ITPKB: variants seen among roughly 807,000 people sequenced by gnomAD.
ITPKB encodes IP3 3-kinase B.
In ITPKB, 13 loss-of-function variants were observed where a neutral mutation model predicts 69.4. The ratio of observed to expected loss-of-function variants is 0.19; its 90% CI spans 0.12 to 0.30. The LOEUF is 0.30. Among genes scored for constraint, ITPKB ranks in the 10% least tolerant of loss-of-function variants. ITPKB has a pLI of 1.00. For synonymous variants in ITPKB, 584 were observed against 513.7 expected (o/e 1.14, Z -1.85); for missense variants, 1,240 against 1,250.5 (o/e 0.99, Z 0.13).
intron 2 of ITPKB, among the ~76,000 whole-genome samples, chr1:226,705,318 T>G (rs1052190040): frequency 6.7e-6 from 1 of 148,776 alleles, no homozygotes; most frequent in Non-Finnish European, 1.5e-5. Flanking sequence ...TCACCTGAGG[T>G]CGGGAGTTCG....
chr1:226,697,810 G>C (rs1328975291), intron 2 of ITPKB, among the ~76,000 whole-genome samples: 1 of 152,106 alleles, frequency 6.6e-6, no homozygotes, highest in Non-Finnish European at 1.5e-5. Context: ...AGCTGCCCTA[G>C]GAACACCACA....
At chr1:226,728,873 G>A (rs1163044373) in intron 2 of ITPKB, among the ~76,000 whole-genome samples, 1 of 152,210 alleles carries the variant, frequency 6.6e-6, no homozygotes, top group African/African-American at 2.4e-5. Context: ...TGTGGCAGCA[G>A]TCACAGGAAT....
At chr1:226,659,211 G>C (rs1379455732) in intron 2 of ITPKB, among the ~76,000 whole-genome samples, 1 of 152,084 alleles carries the variant, frequency 6.6e-6, no homozygotes, top group Non-Finnish European at 1.5e-5. Flanking sequence ...ACCCAGACTG[G>C]CACCCAGGGG....
intron 2 of ITPKB, among the ~76,000 whole-genome samples, chr1:226,731,016 T>G (rs994709239): frequency 6.6e-6 from 1 of 152,268 alleles, no homozygotes; most frequent in Non-Finnish European, 1.5e-5. Context: ...AGTCTAAGCA[T>G]TTGCATGATA....
intron 2 of ITPKB, among the ~76,000 whole-genome samples, chr1:226,703,439 A>G (rs1571865743): frequency 2.0e-5 from 3 of 152,308 alleles, no homozygotes; most frequent in East Asian, 1.9e-4. Flanking sequence ...AGGGCGGTGA[A>G]GCAGGGCCTG....
rs1387250477 is a variant in ITPKB, at chr1:226,633,792, C to G, written c.*879G>C. ...TGCAGGCAGGGTTGACCAACTAGCA[C>G]CAGGTAGGTGAGGGTCAAGAAAAAT... On this transcript the variant is annotated 3_prime_UTR_variant, in exon 8 of 8. Coordinates refer to ENST00000429204, the MANE Select transcript of ITPKB (RefSeq NM_002221.4). 2.0e-5 allele frequency: 3 copies of G among 152,242 alleles called. No homozygotes were observed. In the South Asian group the frequency reaches 6.2e-4, roughly 32 times the overall value. The allele number at this position is 152,242 out of a possible 1,614,324, so 9.4% of individuals were successfully genotyped here. A position where few individuals can be genotyped will look rare whatever the true frequency, so the allele number is the denominator to read the frequency against.
intron 2 of ITPKB, chr1:226,707,264 C>T (rs912182467): frequency 6.0e-5 from 14 of 232,886 alleles, no homozygotes; most frequent in South Asian, 4.7e-4. Context: ...GGTGCTATCT[C>T]GGCTCACCGC....
chr1:226,718,026 A>G (rs835668), intron 2 of ITPKB, among the ~76,000 whole-genome samples: 146,468 of 152,356 alleles, frequency 0.96, 70,434 homozygotes, highest in East Asian at 1. Context: ...CGGGCGTGGT[A>G]GCTCACGCCT....
At chr1:226,721,085 T>C (rs1369111687) in intron 2 of ITPKB, among the ~76,000 whole-genome samples, 1 of 151,570 alleles carries the variant, frequency 6.6e-6, no homozygotes, top group African/African-American at 2.4e-5. Flanking sequence ...GGTTCACGCC[T>C]ATAATCCCAG....
chr1:226,728,526 G>A (rs904319286), intron 2 of ITPKB, among the ~76,000 whole-genome samples: 5 of 152,322 alleles, frequency 3.3e-5, no homozygotes, highest in Admixed American at 2.0e-4. Context: ...GGTCTTCCCC[G>A]CACAAACACT....
chr1:226,708,429 A>T (rs1244362807), intron 2 of ITPKB, among the ~76,000 whole-genome samples: 1 of 152,244 alleles, frequency 6.6e-6, no homozygotes, highest in Admixed American at 6.5e-5. Context: ...ACTAATTGTT[A>T]TAAGCCACTC....
chr1:226,636,703 G>T (rs76669284), intron 7 of ITPKB, among the ~76,000 whole-genome samples: 2,572 of 151,694 alleles, frequency 0.017, 70 homozygotes, highest in Admixed American at 0.069. Flanking sequence ...GCAGGATCCC[G>T]CTTCACACCC....
At chr1:226,669,322 A>T in intron 2 of ITPKB, 1 of 152,304 alleles carries the variant, frequency 6.6e-6, no homozygotes, top group Non-Finnish European at 1.5e-5. Flanking sequence ...GCTTGAACCC[A>T]GGAGGCGGAG....
intron 2 of ITPKB, among the ~76,000 whole-genome samples, chr1:226,658,257 G>A (rs1166348935): frequency 6.6e-6 from 1 of 152,222 alleles, no homozygotes; most frequent in African/African-American, 2.4e-5. Context: ...CAGAGTGGAG[G>A]CGGTGGCCAA....
chr1:226,700,319 A>G (rs977981462), intron 2 of ITPKB, among the ~76,000 whole-genome samples: 2 of 152,084 alleles, frequency 1.3e-5, no homozygotes, highest in Non-Finnish European at 2.9e-5. Flanking sequence ...AACACAAAAA[A>G]TTAGCCAGGC....
chr1:226,683,963 T>C (rs928113062), intron 2 of ITPKB, among the ~76,000 whole-genome samples: 1 of 152,104 alleles, frequency 6.6e-6, no homozygotes, highest in African/African-American at 2.4e-5. Flanking sequence ...TAAATTCCAG[T>C]CAAAGAAGGT....
chr1:226,686,720 T>A (rs972375089), intron 2 of ITPKB, among the ~76,000 whole-genome samples: 6 of 152,224 alleles, frequency 3.9e-5, no homozygotes, highest in African/African-American at 1.4e-4. Context: ...TCATGAAAGA[T>A]CATGTGTAGC....
intron 2 of ITPKB, among the ~76,000 whole-genome samples, chr1:226,660,264 C>A (rs1298614398): frequency 6.6e-6 from 1 of 152,230 alleles, no homozygotes; most frequent in East Asian, 1.9e-4. Context: ...TCCCCAGTAT[C>A]CTGCAGGAGC....
At chr1:226,726,885 T>C (rs189695053) in intron 2 of ITPKB, among the ~76,000 whole-genome samples, 1 of 152,318 alleles carries the variant, frequency 6.6e-6, no homozygotes, top group Admixed American at 6.5e-5. Flanking sequence ...GGCTCAGCAA[T>C]CTGGGTCTCA....
Sources: allele counts gnomAD v4.1 joint callset (sites outside exome capture counted in the v4.1 genomes callset), GRCh38; gene constraint gnomAD v4.1.1; transcripts MANE v1.5; gene names NCBI Gene and HGNC (gene_info 2026-07-23, HGNC 2026-07-21).